The following ZNF845 variants were observed in gnomAD, a reference collection of about 807,000 sequenced individuals.
ZNF845 encodes zinc finger protein 845.
ZNF845 carries 59 observed loss-of-function variants against 76.1 expected under a neutral mutation model. The ratio of observed to expected loss-of-function variants is 0.78; its 90% confidence interval spans 0.63 to 0.96. The LOEUF (loss-of-function observed/expected upper bound fraction) is 0.96, where lower values mean the gene tolerates loss of function less well. Ranked by LOEUF, ZNF845 falls within the 40% of genes least tolerant of loss-of-function variation. ZNF845 has a pLI of 0.00. For missense variants in ZNF845, 1,045 were observed against 1,172.8 expected (o/e 0.89, Z 1.59); for synonymous variants, 361 against 386.9 (o/e 0.93, Z 0.78).
At chr19:53,335,083 C>T (rs562104967) in intron 1 of ZNF845, among the ~76,000 whole-genome samples, 161 of 152,226 alleles carry the variant, frequency 1.1e-3, no homozygotes, top group Non-Finnish European at 1.9e-3. Context: ...CACATACATT[C>T]TGTAAATCTT....
Position 53,353,872 on chromosome 19 carries a change from C to A in ZNF845, c.*284C>A. The A allele has an allele frequency of 8.5e-7, 1 of 1,174,834 alleles. No homozygotes were observed. Among genetic ancestry groups the A allele is most frequent in the Non-Finnish European group, 1.2e-6 (1 of 838,110 alleles). 72.8% of individuals were successfully genotyped at this position (1,174,834 alleles called of 1,614,324 possible). On this transcript the variant is annotated 3_prime_UTR_variant, in exon 4 of 4. Coordinates refer to ENST00000458035, the MANE Select transcript of ZNF845 (RefSeq NM_138374.3). Reference sequence around the variant, plus strand: ...ATGATTATCACAAAGTCTTCAGTAACACTACAACCGTTTCAAATCATTGGA... The same window carrying A: ...ATGATTATCACAAAGTCTTCAGTAAAACTACAACCGTTTCAAATCATTGGA...
chr19:53,347,347 G>T (rs1434206524), intron 3 of ZNF845, among the ~76,000 whole-genome samples: 7 of 151,000 alleles, frequency 4.6e-5, no homozygotes, highest in Non-Finnish European at 8.8e-5. Flanking sequence ...CGCAGTCTTG[G>T]CTAACTCCAA....
Position 53,351,370 on chromosome 19 carries a change from A to G in ZNF845, c.695A>G (p.Lys232Arg), listed in dbSNP as rs1463134357. 6.2e-7 allele frequency: 1 copy of G among 1,614,094 alleles called. No individual in the cohort carries two copies. Among genetic ancestry groups the G allele is most frequent in the African/African-American group, 1.3e-5 (1 of 74,940 alleles). Reference protein sequence around the residue: ...KAFNYSSVLRKHQIIHLGAKQ... With the variant: ...KAFNYSSVLRRHQIIHLGAKQ... ...TTTAATTATAGCTCAGTCTTAAGGA[A>G]ACATCAGATAATCCATTTAGGAGCG... The change falls in exon 4 of 4, where the codon AAA (lysine) becomes AGA (arginine). Residue 232 changes from lysine (K) to arginine (R), a missense_variant. Lys to Arg is a conservative substitution (Grantham distance 26). Coordinates refer to ENST00000458035, the MANE Select transcript of ZNF845 (RefSeq NM_138374.3).
rs759004071 is a variant in ZNF845 at position 53,352,228 on chromosome 19, C to T, written c.1553C>T (p.Thr518Ile). 1.9e-6 allele frequency: 3 copies of T among 1,613,654 alleles called. No individual in the cohort carries two copies. Among genetic ancestry groups the T allele is most frequent in the South Asian group, 1.1e-5 (1 of 91,044 alleles). ...SNLERHRIIH[T>I]GEKLYKCNEC... ...CTTGAAAGACATAGGATAATTCATA[C>T]TGGAGAGAAACTTTACAAGTGTAAT... Residue 518 changes from threonine (T) to isoleucine (I), a missense_variant, in exon 4 of 4, where the codon ACT becomes ATT. Coordinates refer to ENST00000458035, the MANE Select transcript of ZNF845 (RefSeq NM_138374.3).
Position 53,341,155 on chromosome 19 carries a change from G to A in ZNF845, c.-73-80G>A, listed in dbSNP as rs947457772. On this transcript the variant is annotated intron_variant, in intron 1 of 3. Coordinates refer to ENST00000458035, the MANE Select transcript of ZNF845 (RefSeq NM_138374.3). ...GGGGACCATATTTCCTCAGGGTGAG[G>A]TCTCCTTTGTATGTTTCATTGTGTT... 15 of 1,256,964 alleles carry A rather than the reference G, an allele frequency of 1.2e-5. No homozygotes were observed. In the African/African-American group the frequency reaches 1.6e-4, roughly 14 times the overall value. The allele number at this position is 1,256,964 out of a possible 1,614,324, so 77.9% of individuals were successfully genotyped here.
At chr19:53,343,053 A>G (rs2085267932) in intron 2 of ZNF845, among the ~76,000 whole-genome samples, 1 of 152,100 alleles carries the variant, frequency 6.6e-6, no homozygotes, top group Non-Finnish European at 1.5e-5. Flanking sequence ...TCCTGACCTC[A>G]GGTTATCCAC....
At chr19:53,337,808 C>T (rs1308146344) in intron 1 of ZNF845, among the ~76,000 whole-genome samples, 4 of 151,968 alleles carry the variant, frequency 2.6e-5, no homozygotes, top group African/African-American at 9.7e-5. Context: ...TTAAGTAATC[C>T]ACCTGCCTTG....
intron 3 of ZNF845, among the ~76,000 whole-genome samples, chr19:53,346,584 C>T (rs1030008481): frequency 3.3e-5 from 5 of 152,136 alleles, no homozygotes; most frequent in Non-Finnish European, 5.9e-5. Context: ...AGGAGGCTGA[C>T]ACAGGAGAGT....
At position 53,353,527 on chromosome 19, in the gene ZNF845, T is replaced by C. The variant is rs774190782; in HGVS notation, c.2852T>C (p.Val951Ala). The change falls in exon 4 of 4, where the codon GTT becomes GCT. Residue 951 changes from valine (V) to alanine (A), a missense_variant. Coordinates refer to ENST00000458035, the MANE Select transcript of ZNF845 (RefSeq NM_138374.3). ...KPYKCNECGK[V>A]FNRKAKLARH... ...TACAAGTGTAATGAATGTGGCAAGG[T>C]TTTTAATCGAAAAGCAAAACTTGCA... 8 of 1,612,030 alleles carry C rather than the reference T, an allele frequency of 5.0e-6. No individual in the cohort carries two copies. In the Admixed American group the frequency reaches 5.0e-5, roughly 10 times the overall value.
In ZNF845 at chr19:53,353,119, A is replaced by G. The variant is rs2085355892; in HGVS notation, c.2444A>G (p.Asn815Ser). The change falls in exon 4 of 4, where the codon AAT becomes AGT. Residue 815 changes from asparagine (N) to serine (S), a missense_variant. By Grantham distance (46) the Asn-to-Ser change is conservative. Coordinates refer to ENST00000458035, the MANE Select transcript of ZNF845 (RefSeq NM_138374.3). ...CNECGKNFRH[N>S]SALVIHKAIH... is the part of the protein sequence containing the mutation. ...GAATGTGGCAAGAACTTCCGTCACA[A>G]TTCAGCCCTTGTAATTCATAAGGCA... 6.3e-7 allele frequency: 1 copy of G among 1,599,068 alleles called. No homozygotes were observed. The highest frequency in any genetic ancestry group is 8.6e-7 in the Non-Finnish European group (1 of 1,167,110).
In ZNF845 at chr19:53,341,261, G is replaced by A. The variant is rs753770964; in HGVS notation, c.-47G>A. Reference sequence around the variant, plus strand: ...ATTGACTTCTAAAGACTCTTGGTACGTGAGGAAGAAACCCGGAAGAGGAAG... The same window carrying A: ...ATTGACTTCTAAAGACTCTTGGTACATGAGGAAGAAACCCGGAAGAGGAAG... On this transcript the variant is annotated 5_prime_UTR_variant, in exon 2 of 4. In the 5' UTR this introduces an upstream ATG that the reference lacks. Transcript: ENST00000458035. 5 of 1,612,296 alleles carry A rather than the reference G, an allele frequency of 3.1e-6. No individual in the cohort carries two copies. The highest frequency in any genetic ancestry group is 1.1e-5 in the South Asian group (1 of 91,052).
Position 53,352,522 on chromosome 19 carries a change from T to C in ZNF845, c.1847T>C (p.Phe616Ser). ...AAGTGTAATAGATGTGGCAAATTTT[T>C]CAGACATCGTTCATACCTTGCAGTT... ...SYKCNRCGKF[F>S]RHRSYLAVHW... The change falls in exon 4 of 4, where the codon TTC becomes TCC. Residue 616 changes from phenylalanine to serine, a missense_variant. Coordinates refer to ENST00000458035, the MANE Select transcript of ZNF845 (RefSeq NM_138374.3). 6.2e-7 allele frequency: 1 copy of C among 1,607,514 alleles called. No individual in the cohort carries two copies. The highest frequency in any genetic ancestry group is 8.5e-7 in the Non-Finnish European group (1 of 1,176,580).
intron 1 of ZNF845, among the ~76,000 whole-genome samples, chr19:53,334,260 C>T (rs1368713332): frequency 6.6e-6 from 1 of 152,114 alleles, no homozygotes; most frequent in Admixed American, 6.5e-5. Context: ...CCTATGACAC[C>T]GGGTGTTCTT....
At position 53,352,888 on chromosome 19, in the gene ZNF845, T is replaced by G. The variant is rs879066102; in HGVS notation, c.2213T>G (p.Leu738Arg). The G allele has an allele frequency of 6.2e-7, 1 of 1,610,014 alleles. No individual in the cohort carries two copies. The highest frequency in any genetic ancestry group is 8.5e-7 in the Non-Finnish European group (1 of 1,178,790). Reference sequence around the variant, plus strand: ...CAGAAGTCATCCCTTACATGCCATCTTAGACTTCATACTGGAGAGAAACCT... The same window carrying G: ...CAGAAGTCATCCCTTACATGCCATCGTAGACTTCATACTGGAGAGAAACCT... Reference protein sequence around the residue: ...FSQKSSLTCHLRLHTGEKPYK... With the variant: ...FSQKSSLTCHRRLHTGEKPYK... The change falls in exon 4 of 4, where the codon CTT becomes CGT. Residue 738 changes from leucine to arginine, a missense_variant. Physicochemically the swap from Leu to Arg is moderately radical, Grantham distance 102 (BLOSUM62 -2). Coordinates refer to ENST00000458035, the MANE Select transcript of ZNF845 (RefSeq NM_138374.3).
At chr19:53,347,811 G>C (rs1246822169) in intron 3 of ZNF845, among the ~76,000 whole-genome samples, 1 of 152,136 alleles carries the variant, frequency 6.6e-6, no homozygotes. Flanking sequence ...CAGCAGTTTG[G>C]GAGGCAGAGG....
chr19:53,334,802 C>G (rs1219413116), intron 1 of ZNF845, among the ~76,000 whole-genome samples: 1 of 151,644 alleles, frequency 6.6e-6, no homozygotes, highest in Non-Finnish European at 1.5e-5. Context: ...CCCAGCTGCT[C>G]TGGAGGCTGA....
rs2085354985 is a variant in ZNF845 at position 53,353,040 on chromosome 19, C to T, written c.2365C>T (p.His789Tyr). Residue 789 changes from histidine (H) to tyrosine (Y), a missense_variant, in exon 4 of 4, where the codon CAC (histidine) becomes TAC (tyrosine). Transcript: ENST00000458035. ...TGACAAAGCTTTTGGGCGTGATTCA[C>T]ACCTGGCACAACATACTAGAATTCA... ...VCDKAFGRDS[H>Y]LAQHTRIHTG... 6.2e-7 allele frequency: 1 copy of T among 1,613,476 alleles called. No individual in the cohort carries two copies. The highest frequency in any genetic ancestry group is 1.1e-5 in the South Asian group (1 of 91,032).
At chr19:53,342,857 T>C (rs1447573308) in intron 2 of ZNF845, among the ~76,000 whole-genome samples, 1 of 152,048 alleles carries the variant, frequency 6.6e-6, no homozygotes, top group Non-Finnish European at 1.5e-5. Flanking sequence ...TTGCTCTTGT[T>C]GCCCACGCTG....
At position 53,355,715 on chromosome 19, in the gene ZNF845, C is replaced by G. The variant is rs1421957365; in HGVS notation, c.*2127C>G. The G allele has an allele frequency of 6.6e-6, 1 of 152,174 alleles. No homozygotes were observed. The highest frequency in any genetic ancestry group is 1.9e-4 in the East Asian group (1 of 5,188). 9.4% of individuals were successfully genotyped at this position (152,174 alleles called of 1,614,324 possible). On this transcript the variant is annotated 3_prime_UTR_variant, in exon 4 of 4. Transcript: ENST00000458035. ...AATATCAGGGGTGAGAGCATTCTTG[C>G]ATCATGTGATATCCTACAGGAAAAC...
Sources: allele counts gnomAD v4.1 joint callset (sites outside exome capture counted in the v4.1 genomes callset), GRCh38; gene constraint gnomAD v4.1.1; transcripts MANE v1.5; gene names NCBI Gene and HGNC (gene_info 2026-07-23, HGNC 2026-07-21).